DPP10: variants seen among roughly 807,000 people sequenced by gnomAD.
DPP10 encodes the protein dipeptidyl peptidase like 10.
In DPP10, 33 loss-of-function variants were observed where a neutral mutation model predicts 120.9. That is an observed-to-expected ratio of 0.27 (90% CI 0.21 to 0.37). The LOEUF is 0.37. DPP10 is among the 10% of genes least tolerant of loss of function. The pLI is 1.00. For synonymous variants in DPP10, 337 were observed against 326.1 expected, an observed-to-expected ratio of 1.03 and a Z score of -0.36; for missense variants, 816 against 942.8, an observed-to-expected ratio of 0.87 and a Z score of 1.76.
chr2:115,519,284 A>G (rs982857040), intron 4 of DPP10, among the ~76,000 whole-genome samples: 1 of 152,158 alleles, frequency 6.6e-6, no homozygotes, highest in African/African-American at 2.4e-5. Flanking sequence ...CAATAAAAAT[A>G]TATGTGTGTC....
chr2:115,665,924 C>T (rs1338222474), intron 5 of DPP10, among the ~76,000 whole-genome samples: 1 of 151,388 alleles, frequency 6.6e-6, no homozygotes, highest in Non-Finnish European at 1.5e-5. Context: ...GTTTGGGGTA[C>T]ATGTACAGGT....
chr2:115,589,448 C>G (rs1313531067), intron 5 of DPP10, among the ~76,000 whole-genome samples: 1 of 152,154 alleles, frequency 6.6e-6, no homozygotes, highest in Non-Finnish European at 1.5e-5. Context: ...GGGAAAGAAC[C>G]TGAGATCACT....
chr2:114,514,225 C>T (rs776344527), intron 1 of DPP10, among the ~76,000 whole-genome samples: 1 of 152,134 alleles, frequency 6.6e-6, no homozygotes, highest in Non-Finnish European at 1.5e-5. Flanking sequence ...AGTGATGAAC[C>T]TGGACTAGAT....
chr2:115,415,841 TTA>T (rs70941057), intron 3 of DPP10, among the ~76,000 whole-genome samples: 1,852 of 74,262 alleles, frequency 0.025, 47 homozygotes, highest in African/African-American at 0.072. Context: ...TGATTTGCTT[TTA>T]TATATATATA....
intron 3 of DPP10, among the ~76,000 whole-genome samples, chr2:115,346,605 C>A (rs992069154): frequency 1.3e-5 from 2 of 152,110 alleles, no homozygotes; most frequent in Non-Finnish European, 2.9e-5. Context: ...ATTTTTATAG[C>A]ATCTTCATTC....
At chr2:115,147,328 GT>G (rs2051283306) in intron 1 of DPP10, among the ~76,000 whole-genome samples, 1 of 151,950 alleles carries the variant, frequency 6.6e-6, no homozygotes, top group Admixed American at 6.6e-5. Context: ...AAACAGACAT[GT>G]TTTTGTTGTG....
At chr2:114,468,814 C>G (rs993997448) in intron 1 of DPP10, among the ~76,000 whole-genome samples, 1 of 152,174 alleles carries the variant, frequency 6.6e-6, no homozygotes, top group Admixed American at 6.5e-5. Flanking sequence ...AATACTTTCA[C>G]AGCACTTGAG....
intron 1 of DPP10, among the ~76,000 whole-genome samples, chr2:114,890,996 T>G (rs1692495324): frequency 6.6e-6 from 1 of 152,200 alleles, no homozygotes; most frequent in Admixed American, 6.5e-5. Context: ...TATCTGCTAC[T>G]GGTTTTCAGC....
chr2:115,166,497 T>TTATATATTATATAAAATTATAATATAAA (rs1559172585), intron 1 of DPP10, among the ~76,000 whole-genome samples: 1 of 116,368 alleles, frequency 8.6e-6, no homozygotes, highest in African/African-American at 3.4e-5. Flanking sequence ...TATGTAAATA[T>TTATATATTATATAAAATTATAATATAAA]TATATATTAT....
intron 7 of DPP10, among the ~76,000 whole-genome samples, chr2:115,727,063 T>C (rs1315579713): frequency 1.3e-5 from 2 of 152,144 alleles, no homozygotes; most frequent in African/African-American, 4.8e-5. Context: ...GAATTATAAA[T>C]AATTTTATCC....
intron 1 of DPP10, among the ~76,000 whole-genome samples, chr2:114,682,364 G>T (rs770245382): frequency 1.3e-5 from 2 of 151,840 alleles, no homozygotes; most frequent in African/African-American, 2.4e-5. Flanking sequence ...GGCTTTAGAG[G>T]CTCATTCAAC....
At chr2:115,120,771 C>A (rs2049781520) in intron 1 of DPP10, among the ~76,000 whole-genome samples, 1 of 152,078 alleles carries the variant, frequency 6.6e-6, no homozygotes, top group Non-Finnish European at 1.5e-5. Context: ...CCTAAACATC[C>A]CTCTTTGTAA....
At chr2:115,303,856 T>A (rs2061250177) in intron 1 of DPP10, among the ~76,000 whole-genome samples, 1 of 151,984 alleles carries the variant, frequency 6.6e-6, no homozygotes, top group Non-Finnish European at 1.5e-5. Context: ...TTTCTATATC[T>A]CAAGGCTTTT....
At chr2:114,573,143 C>T (rs6735899) in intron 1 of DPP10, among the ~76,000 whole-genome samples, 107,093 of 151,934 alleles carry the variant, frequency 0.7, 39,862 homozygotes, top group Middle Eastern at 0.85. Flanking sequence ...CCACCATGCC[C>T]AGCTAATGTT....
At chr2:115,656,511 TC>T (rs2088363379) in intron 5 of DPP10, among the ~76,000 whole-genome samples, 1 of 151,626 alleles carries the variant, frequency 6.6e-6, no homozygotes, top group Admixed American at 6.6e-5. Context: ...AGGAGAAAGA[TC>T]AATCTGTCGG....
At chr2:115,733,800 C>T (rs1430491867) in intron 8 of DPP10, among the ~76,000 whole-genome samples, 3 of 152,166 alleles carry the variant, frequency 2.0e-5, no homozygotes, top group Non-Finnish European at 4.4e-5. Context: ...TATAAAACCA[C>T]ATGTGCTGAA....
intron 1 of DPP10, among the ~76,000 whole-genome samples, chr2:114,775,460 A>G (rs1218253948): frequency 1.3e-5 from 2 of 152,168 alleles, no homozygotes; most frequent in Non-Finnish European, 2.9e-5. Context: ...CACTAAAGCC[A>G]TGCACAGCAA....
intron 13 of DPP10, among the ~76,000 whole-genome samples, chr2:115,774,534 G>C (rs1012924050): frequency 6.6e-6 from 1 of 152,056 alleles, no homozygotes; most frequent in African/African-American, 2.4e-5. Flanking sequence ...GCCAGCCTTT[G>C]GGTTATGCAG....
At chr2:115,064,787 A>C in intron 1 of DPP10, 1 of 1,304,270 alleles carries the variant, frequency 7.7e-7, no homozygotes, top group South Asian at 1.2e-5. Context: ...CTGAGGGACC[A>C]GTAGATGGTT....
Sources: allele counts gnomAD v4.1 joint callset (sites outside exome capture counted in the v4.1 genomes callset), GRCh38; gene constraint gnomAD v4.1.1; transcripts MANE v1.5; gene names NCBI Gene and HGNC (gene_info 2026-07-23, HGNC 2026-07-21).